TTLL2: variants seen among roughly 807,000 people sequenced by gnomAD.
TTLL2 encodes probable tubulin polyglutamylase TTLL2.
Under a neutral mutation model 7.5 loss-of-function variants are expected in TTLL2, and 10 were observed. That is an observed-to-expected ratio of 1.33 (90% CI 0.82 to 2.25). The LOEUF is 2.25. Ranked by LOEUF, TTLL2 falls within the 30% of genes most tolerant of loss-of-function variation. TTLL2 has a pLI of 0.00. For missense variants in TTLL2, 733 were observed against 735.7 expected (o/e 1.00, Z 0.04); for synonymous variants, 284 against 280.3 (o/e 1.01, Z -0.13).
At chr6:167,336,280 C>CT (rs1310249636) in intron 1 of TTLL2, among the ~76,000 whole-genome samples, 1 of 151,914 alleles carries the variant, frequency 6.6e-6, no homozygotes, top group African/African-American at 2.4e-5. Context: ...TATGAGAGTC[C>CT]TTTTTTCTCC....
intron 1 of TTLL2, among the ~76,000 whole-genome samples, chr6:167,334,679 A>G (rs1778964044): frequency 8.7e-6 from 1 of 114,640 alleles, no homozygotes; most frequent in Non-Finnish European, 1.7e-5. Flanking sequence ...ACCTACAACT[A>G]TCTGATCTTT....
At position 167,325,204 on chromosome 6, in the gene TTLL2, C is replaced by A. The variant is rs1320502099; in HGVS notation, c.31C>A (p.Gln11Lys). Reference protein sequence around the residue: MRGRDLCSSTQSQALGSLRTT... With the variant: MRGRDLCSSTKSQALGSLRTT... Reference sequence around the variant, plus strand: ...AGGGCGGGACCTGTGTTCCTCCACACAAAGCCAGGCGCTGGGGTAAGCGTA... The same window carrying A: ...AGGGCGGGACCTGTGTTCCTCCACAAAAAGCCAGGCGCTGGGGTAAGCGTA... Residue 11 changes from glutamine to lysine, a missense_variant, in exon 1 of 3, where the codon CAA becomes AAA. Gln to Lys is a moderately conservative substitution (Grantham distance 53). Coordinates refer to ENST00000239587, the MANE Select transcript of TTLL2 (RefSeq NM_031949.5). The A allele has an allele frequency of 1.5e-5, 23 of 1,575,264 alleles. No individual in the cohort carries two copies. The highest frequency in any genetic ancestry group is 1.8e-5 in the Admixed American group (1 of 54,834).
intron 1 of TTLL2, among the ~76,000 whole-genome samples, chr6:167,333,534 T>C (rs1405115597): frequency 1.2e-5 from 1 of 81,466 alleles, no homozygotes; most frequent in Admixed American, 1.4e-4. Flanking sequence ...TTCCTCCTTG[T>C]ACCTCTGGTA....
Position 167,341,189 on chromosome 6 carries a change from C to A in TTLL2, c.1289C>A (p.Ala430Asp). ...AATGAGGGGAGAGAAGCCAGTAATGCCACACATGGAAATTCCAACATCGAC... is the reference window on the plus strand; with the variant it reads ...AATGAGGGGAGAGAAGCCAGTAATGACACACATGGAAATTCCAACATCGAC... ...LRNEGREASN[A>D]THGNSNIDAA... The change falls in exon 3 of 3, where the codon GCC (alanine) becomes GAC (aspartate). Residue 430 changes from alanine to aspartate, a missense_variant. Transcript: ENST00000239587. The A allele has an allele frequency of 6.2e-7, 1 of 1,613,664 alleles. No individual in the cohort carries two copies. Among genetic ancestry groups the A allele is most frequent in the Non-Finnish European group, 8.5e-7 (1 of 1,179,968 alleles).
At chr6:167,325,279 A>G in intron 1 of TTLL2, 59 bp downstream of exon 1, 1 of 1,463,200 alleles carries the variant, frequency 6.8e-7, no homozygotes, top group Non-Finnish European at 9.1e-7. Flanking sequence ...CCTCTGTTCC[A>G]GGACCAGCCC....
intron 1 of TTLL2, among the ~76,000 whole-genome samples, chr6:167,335,972 T>TTAAA (rs1778978826): frequency 8.6e-6 from 1 of 115,914 alleles, no homozygotes; most frequent in African/African-American, 3.5e-5. Flanking sequence ...AAAGTATAAT[T>TTAAA]AAAAAAAGAA....
chr6:167,338,266 C>T (rs1454900099), intron 1 of TTLL2, among the ~76,000 whole-genome samples: 1 of 151,880 alleles, frequency 6.6e-6, no homozygotes, highest in African/African-American at 2.4e-5. Context: ...ACAACATACA[C>T]AACACACAGC....
intron 2 of TTLL2, 40 bp from the exon 3 acceptor site, chr6:167,340,065 T>A: frequency 1.3e-6 from 2 of 1,536,862 alleles, no homozygotes. Context: ...GGTTATGGTC[T>A]TGACCACTCT....
intron 1 of TTLL2, among the ~76,000 whole-genome samples, chr6:167,335,266 A>G (rs1778970665): frequency 6.7e-6 from 1 of 150,106 alleles, no homozygotes. Context: ...CAAAACCACT[A>G]TGAGATTCCA....
In TTLL2 at chr6:167,340,447, G is replaced by T; in HGVS notation, c.547G>T (p.Val183Phe). The change falls in exon 3 of 3, where the codon GTC becomes TTC. Residue 183 changes from valine to phenylalanine, a missense_variant. Coordinates refer to ENST00000239587, the MANE Select transcript of TTLL2 (RefSeq NM_031949.5). ...SLYQFIPLTF[V>F]MPNDYTKFVA... ...GTACCAGTTCATCCCCCTGACGTTC[G>T]TCATGCCCAATGACTATACCAAGTT... 6.2e-7 allele frequency: 1 copy of T among 1,614,152 alleles called. No individual in the cohort carries two copies. Among genetic ancestry groups the T allele is most frequent in the Non-Finnish European group, 8.5e-7 (1 of 1,180,038 alleles).
In TTLL2 at chr6:167,340,177, G is replaced by A. The variant is rs1480885568; in HGVS notation, c.277G>A (p.Glu93Lys). ...LLKPLVFRVD[E>K]TTPAVVQSVL... Reference sequence around the variant, plus strand: ...GAAGCCGCTGGTTTTTCGCGTTGACGAGACCACCCCGGCTGTGGTGCAAAG... The same window carrying A: ...GAAGCCGCTGGTTTTTCGCGTTGACAAGACCACCCCGGCTGTGGTGCAAAG... The change falls in exon 3 of 3, where the codon GAG becomes AAG. Residue 93 changes from glutamate (E) to lysine (K), a missense_variant. Physicochemically the swap from Glu to Lys is moderately conservative, Grantham distance 56. Coordinates refer to ENST00000239587, the MANE Select transcript of TTLL2 (RefSeq NM_031949.5). 14 of 1,612,342 alleles carry A rather than the reference G, an allele frequency of 8.7e-6. No individual in the cohort carries two copies. Among genetic ancestry groups the A allele is most frequent in the East Asian group, 4.5e-5 (2 of 44,882 alleles).
chr6:167,341,463 C>A lies in TTLL2; in HGVS notation c.1563C>A (p.Leu521=), dbSNP rs1484856779. The change falls in exon 3 of 3, where the codon CTC becomes CTA. Residue 521 remains leucine, a synonymous_variant. Coordinates refer to ENST00000239587, the MANE Select transcript of TTLL2 (RefSeq NM_031949.5). The stretch of plus-strand genomic sequence containing the variant: ...GCAGGCACACGCCTCACAAGACACT[C>A]ATGCCCTACGCGTCCCTCTTCCAGT... ...LRSRHTPHKT[L]MPYASLFQSH... is the part of the protein sequence containing the mutation. The A allele has an allele frequency of 1.9e-6, 3 of 1,613,972 alleles. No individual in the cohort carries two copies. Among genetic ancestry groups the A allele is most frequent in the Non-Finnish European group, 2.5e-6 (3 of 1,180,034 alleles).
At chr6:167,340,020 C>A in intron 2 of TTLL2, 85 bp from the exon 3 acceptor site, 1 of 1,458,054 alleles carries the variant, frequency 6.9e-7, no homozygotes, top group Non-Finnish European at 9.2e-7. Context: ...CAGCTGGCAG[C>A]ACCGGGTGCA....
rs1394889227 is a variant in TTLL2 at position 167,338,715 on chromosome 6, C to T, written c.116C>T (p.Pro39Leu). Residue 39 changes from proline (P) to leucine (L), a missense_variant, in exon 2 of 3, where the codon CCG (proline) becomes CTG (leucine). Physicochemically the swap from Pro to Leu is moderately conservative, Grantham distance 98. Transcript: ENST00000239587. Reference sequence around the variant, plus strand: ...TCCGAGGCAAACCACACTGAGCAGCCGCCTGCAGGCCTGGGAGCAAGGCTA... The same window carrying T: ...TCCGAGGCAAACCACACTGAGCAGCTGCCTGCAGGCCTGGGAGCAAGGCTA... Reference protein sequence around the residue: ...IPSEANHTEQPPAGLGARLQE... With the variant: ...IPSEANHTEQLPAGLGARLQE... The T allele has an allele frequency of 3.1e-6, 5 of 1,614,026 alleles. No individual in the cohort carries two copies. The highest frequency in any genetic ancestry group is 3.4e-6 in the Non-Finnish European group (4 of 1,180,012).
rs2115229298 is a variant in TTLL2 at position 167,342,112 on chromosome 6, AT to A, written c.*437del. On this transcript the variant is annotated 3_prime_UTR_variant, in exon 3 of 3. Coordinates refer to ENST00000239587, the MANE Select transcript of TTLL2 (RefSeq NM_031949.5). ...AATCAACCAGTTATTTGTTAAAATT[AT>A]TTTGTTAACTTAAGATCAGACAATC... Among the ~76,000 whole-genome samples, 1 of 152,316 alleles carries A rather than the reference AT, an allele frequency of 6.6e-6. No homozygotes were observed. Among genetic ancestry groups the A allele is most frequent in the East Asian group, 1.9e-4 (1 of 5,184 alleles).
rs1779111858 is a variant in TTLL2 at position 167,342,568 on chromosome 6, C to G, written c.*889C>G. The stretch of plus-strand genomic sequence containing the variant: ...GGTAGGGGGCTTCCCTTTGGGGTGA[C>G]AGAAATGTTCTGGAACTATATAGAG... On this transcript the variant is annotated 3_prime_UTR_variant, in exon 3 of 3. Coordinates refer to ENST00000239587, the MANE Select transcript of TTLL2 (RefSeq NM_031949.5). 6.6e-6 allele frequency among the ~76,000 whole-genome samples: 1 copy of G among 152,072 alleles called. No individual in the cohort carries two copies. Among genetic ancestry groups the G allele is most frequent in the Admixed American group, 6.5e-5 (1 of 15,272 alleles).
At position 167,340,962 on chromosome 6, in the gene TTLL2, C is replaced by T. The variant is rs142849949; in HGVS notation, c.1062C>T (p.Leu354=). 124 of 1,614,038 alleles carry T rather than the reference C, an allele frequency of 7.7e-5. 2 individuals are homozygous for T. The Admixed American group carries it at 1.1e-3, about 15-fold the overall frequency. The change falls in exon 3 of 3, where the codon CTC becomes CTT. Residue 354 remains leucine (L), a synonymous_variant. Transcript: ENST00000239587. ...ACCGCATGGTTATTCTCACCATTCT[C>T]GCCATTGCACCATCTGTCCCCTTTG... ...KIHRMVILTI[L]AIAPSVPFAA... is the part of the protein sequence containing the mutation.
Position 167,340,889 on chromosome 6 carries a change from A to G in TTLL2, c.989A>G (p.Tyr330Cys), listed in dbSNP as rs552250668. 45 of 1,614,028 alleles carry G rather than the reference A, an allele frequency of 2.8e-5. No homozygotes were observed. In the African/African-American group the frequency reaches 5.1e-4, roughly 18 times the overall value. Reference sequence around the variant, plus strand: ...TGGACGCTCAGCAGATTTTTTTCCTACCTTCGTAGCTGGGATGTGGACGAT... The same window carrying G: ...TGGACGCTCAGCAGATTTTTTTCCTGCCTTCGTAGCTGGGATGTGGACGAT... ...CKWTLSRFFS[Y>C]LRSWDVDDLL... Residue 330 changes from tyrosine to cysteine, a missense_variant, in exon 3 of 3, where the codon TAC (tyrosine) becomes TGC (cysteine). Coordinates refer to ENST00000239587, the MANE Select transcript of TTLL2 (RefSeq NM_031949.5).
chr6:167,330,645 C>A (rs1778908863), intron 1 of TTLL2, among the ~76,000 whole-genome samples: 1 of 152,098 alleles, frequency 6.6e-6, no homozygotes, highest in Non-Finnish European at 1.5e-5. Flanking sequence ...AAGATCTAGA[C>A]CCCTGTACCC....
Sources: gnomAD v4.1 joint callset for allele counts (sites outside exome capture counted in the v4.1 genomes callset) on GRCh38, gnomAD v4.1.1 for gene constraint, MANE v1.5 for transcripts, NCBI Gene and HGNC (gene_info 2026-07-23, HGNC 2026-07-21) for gene names.